Variants in SCAI observed in about 807,000 individuals in gnomAD.
The protein encoded by SCAI is protein SCAI.
In SCAI, 24 loss-of-function variants were observed where a neutral mutation model predicts 92.2. That is an observed-to-expected ratio of 0.26 (90% CI 0.19 to 0.37). The LOEUF (loss-of-function observed/expected upper bound fraction) is 0.37. Among genes scored for constraint, SCAI ranks in the 10% least tolerant of loss-of-function variants. The pLI is 1.00. For missense variants in SCAI, 450 were observed against 736.2 expected (o/e 0.61, Z 4.50); for synonymous variants, 261 against 258.6 (o/e 1.01, Z -0.09).
At chr9:125,011,534 G>A (rs2131057520) in intron 9 of SCAI, among the ~76,000 whole-genome samples, 1 of 152,314 alleles carries the variant, frequency 6.6e-6, no homozygotes, top group East Asian at 1.9e-4. Flanking sequence ...GGGACTATGT[G>A]AAAAGACCAA....
At chr9:125,096,778 C>T (rs1274093674) in intron 2 of SCAI, among the ~76,000 whole-genome samples, 1 of 152,224 alleles carries the variant, frequency 6.6e-6, no homozygotes, top group African/African-American at 2.4e-5. Context: ...TAACTGTACA[C>T]CTTTCCAAAC....
chr9:124,965,640 G>A (rs757476548), intron 17 of SCAI, among the ~76,000 whole-genome samples: 19 of 152,180 alleles, frequency 1.2e-4, no homozygotes, highest in Non-Finnish European at 1.9e-4. Context: ...GCCTGCTAAC[G>A]TAGCTACAGT....
Position 125,091,441 on chromosome 9 carries a change from C to G in SCAI, c.99-35434G>C, listed in dbSNP as rs992014846. Among the ~76,000 whole-genome samples, 1 of 152,204 alleles carries G rather than the reference C, an allele frequency of 6.6e-6. No individual in the cohort carries two copies. ...TGCTTTTTTAATGACCTGTCATTCA[C>G]TAAGTTTAGCCTTCCAAAATGGGTA... On this transcript the variant is annotated intron_variant, in intron 2 of 17. Coordinates refer to ENST00000336505, the MANE Select transcript of SCAI (RefSeq NM_001144877.3). The surrounding 1 kb of genome is among the most constrained non-coding windows in gnomAD (Gnocchi z 4.3).
intron 2 of SCAI, among the ~76,000 whole-genome samples, chr9:125,083,213 A>T (rs1311790838): frequency 6.6e-6 from 1 of 152,174 alleles, no homozygotes; most frequent in Admixed American, 6.5e-5. Flanking sequence ...GCCTGCTGCT[A>T]TCCATGTAAG....
chr9:125,012,303 C>T (rs1832656345), intron 9 of SCAI, among the ~76,000 whole-genome samples: 2 of 152,068 alleles, frequency 1.3e-5, no homozygotes, highest in African/African-American at 4.8e-5. Flanking sequence ...CGTGCAGAGA[C>T]ACACATAGGC....
At chr9:124,991,806 C>T (rs530127543) in intron 14 of SCAI, among the ~76,000 whole-genome samples, 18 of 152,286 alleles carry the variant, frequency 1.2e-4, no homozygotes, top group Admixed American at 1.0e-3. Flanking sequence ...CACTGTACTC[C>T]AGCCTGGGCG....
chr9:125,051,155 T>G (rs992674191), intron 3 of SCAI, among the ~76,000 whole-genome samples: 4 of 152,146 alleles, frequency 2.6e-5, no homozygotes, highest in Non-Finnish European at 5.9e-5. Flanking sequence ...CCCGAGTAGC[T>G]GAGATTACAG....
At chr9:124,957,712 C>A (rs1317311234) in intron 17 of SCAI, among the ~76,000 whole-genome samples, 3 of 149,706 alleles carry the variant, frequency 2.0e-5, no homozygotes, top group Non-Finnish European at 3.0e-5. Context: ...GACGGAGTCT[C>A]ACTCTGTTGC....
At chr9:125,056,076 C>A (rs897819423) in intron 2 of SCAI, 69 bp from the exon 3 acceptor site, 1 of 1,122,546 alleles carries the variant, frequency 8.9e-7, no homozygotes, top group Non-Finnish European at 1.3e-6. Context: ...TTAGTTATAT[C>A]ATCTGATAGT....
intron 3 of SCAI, among the ~76,000 whole-genome samples, chr9:125,048,587 G>A (rs1035929869): frequency 1.1e-4 from 16 of 151,930 alleles, no homozygotes; most frequent in Admixed American, 9.8e-4. Flanking sequence ...GGGCAGGGGA[G>A]GGGAAGAAGG....
intron 2 of SCAI, among the ~76,000 whole-genome samples, chr9:125,103,628 C>T (rs931554927): frequency 5.9e-5 from 9 of 152,182 alleles, no homozygotes; most frequent in African/African-American, 2.2e-4. Flanking sequence ...AACTTTCTTA[C>T]ACAGCTAGTA....
chr9:125,121,894 AT>A (rs879684968), intron 2 of SCAI, among the ~76,000 whole-genome samples: 2 of 152,198 alleles, frequency 1.3e-5, no homozygotes, highest in Non-Finnish European at 2.9e-5. Context: ...TAAAAATGCT[AT>A]GAACATCTAT....
intron 2 of SCAI, among the ~76,000 whole-genome samples, chr9:125,135,988 A>C (rs1427981597): frequency 6.6e-6 from 1 of 150,970 alleles, no homozygotes; most frequent in Non-Finnish European, 1.5e-5. Context: ...AAAAAAAACA[A>C]AAAAAAAACC....
chr9:125,033,297 A>G (rs1833121793), intron 3 of SCAI, among the ~76,000 whole-genome samples: 1 of 152,202 alleles, frequency 6.6e-6, no homozygotes, highest in Non-Finnish European at 1.5e-5. Flanking sequence ...AGATTTGGAT[A>G]GGCAAAAGAG....
chr9:125,033,932 G>A (rs1588166131), intron 3 of SCAI, among the ~76,000 whole-genome samples: 1 of 152,156 alleles, frequency 6.6e-6, no homozygotes, highest in Non-Finnish European at 1.5e-5. Context: ...ATTATTATAT[G>A]AAGAAATATC....
intron 3 of SCAI, among the ~76,000 whole-genome samples, chr9:125,040,107 C>G (rs994340654): frequency 2.0e-5 from 3 of 152,198 alleles, no homozygotes; most frequent in Non-Finnish European, 4.4e-5. Flanking sequence ...ATAATCCCAG[C>G]ACTTTGGGAG....
At chr9:125,006,981 G>A (rs574598011) in intron 9 of SCAI, among the ~76,000 whole-genome samples, 13 of 152,086 alleles carry the variant, frequency 8.5e-5, no homozygotes, top group South Asian at 2.1e-4. Context: ...TTAGCTGGGC[G>A]CGTAGGGCGT....
In SCAI at chr9:124,943,190, A is replaced by G. The variant is rs2131556334; in HGVS notation, c.*9617T>C. 6.6e-6 allele frequency: 1 copy of G among 152,386 alleles called. No homozygotes were observed. The highest frequency in any genetic ancestry group is 1.9e-4 in the East Asian group (1 of 5,196). The allele number at this position is 152,386 out of a possible 1,614,324, so 9.4% of individuals were successfully genotyped here. On this transcript the variant is annotated 3_prime_UTR_variant, in exon 18 of 18. Coordinates refer to ENST00000336505, the MANE Select transcript of SCAI (RefSeq NM_001144877.3). ...GACTTTTACAATACCACAAATGTTC[A>G]AGTCAAATGATAGTGACAGTATAAT...
chr9:125,043,439 T>C (rs1371272507), intron 3 of SCAI, among the ~76,000 whole-genome samples: 1 of 152,206 alleles, frequency 6.6e-6, no homozygotes, highest in African/African-American at 2.4e-5. Flanking sequence ...CTTTTACCCA[T>C]TGGTAGACCC....
Sources: allele counts gnomAD v4.1 joint callset (sites outside exome capture counted in the v4.1 genomes callset), GRCh38; gene constraint gnomAD v4.1.1; non-coding constraint Gnocchi (gnomAD v3.1); transcripts MANE v1.5; gene names NCBI Gene and HGNC (gene_info 2026-07-23, HGNC 2026-07-21).